Variants in RBM20 observed in about 807,000 individuals in gnomAD.
RBM20 encodes the protein RNA binding motif protein 20.
RBM20 carries 51 observed loss-of-function variants against 110.1 expected under a neutral mutation model. The ratio of observed to expected loss-of-function variants is 0.46; its 90% CI spans 0.37 to 0.59. The LOEUF (loss-of-function observed/expected upper bound fraction) is 0.59, where lower values mean the gene tolerates loss of function less well. Among genes scored for constraint, RBM20 ranks in the 20% least tolerant of loss-of-function variants. The probability of loss-of-function intolerance (pLI) is 0.00; values close to 1 mark genes in which losing one functional copy is unlikely to be tolerated. For missense variants in RBM20, 1,512 were observed against 1,574.9 expected, an observed-to-expected ratio of 0.96 and a Z score of 0.68; for synonymous variants, 589 against 618.2, an observed-to-expected ratio of 0.95 and a Z score of 0.70.
At chr10:110,760,003 T>A (rs1360266876) in intron 1 of RBM20, among the ~76,000 whole-genome samples, 1 of 152,048 alleles carries the variant, frequency 6.6e-6, no homozygotes, top group Non-Finnish European at 1.5e-5. Flanking sequence ...TCAGTGGTGG[T>A]GGGGGGCACA....
intron 1 of RBM20, among the ~76,000 whole-genome samples, chr10:110,759,938 T>C (rs190280420): frequency 6.6e-6 from 1 of 152,346 alleles, no homozygotes; most frequent in East Asian, 1.9e-4. Flanking sequence ...ACCTCCATGG[T>C]TGAGCAGTTA....
intron 1 of RBM20, among the ~76,000 whole-genome samples, chr10:110,773,555 A>T (rs886074007): frequency 6.6e-6 from 1 of 152,226 alleles, no homozygotes; most frequent in African/African-American, 2.4e-5. Context: ...CCATACCCTC[A>T]TTTTATAAAA....
At chr10:110,645,057 C>A (rs2134794081) in intron 1 of RBM20, among the ~76,000 whole-genome samples, 1 of 152,272 alleles carries the variant, frequency 6.6e-6, no homozygotes, top group East Asian at 1.9e-4. Context: ...ATTAAACCAC[C>A]CTTCATGGTG....
At chr10:110,810,573 C>A in intron 8 of RBM20, 111 bp downstream of exon 8, 1 of 675,068 alleles carries the variant, frequency 1.5e-6, no homozygotes, top group South Asian at 2.2e-5. Context: ...CTTGCCCCTA[C>A]CCCATCCATC....
At chr10:110,783,253 G>T in intron 2 of RBM20, 113 bp from the exon 3 acceptor site, 1 of 750,872 alleles carries the variant, frequency 1.3e-6, no homozygotes, top group Non-Finnish European at 2.3e-6. Flanking sequence ...TGCAGGGGTG[G>T]TCCAGCCTCT....
intron 8 of RBM20, among the ~76,000 whole-genome samples, chr10:110,810,824 C>A (rs1007754042): frequency 7.0e-6 from 1 of 142,046 alleles, no homozygotes; most frequent in African/African-American, 2.6e-5. Flanking sequence ...TGCGTGTGTG[C>A]GTGTGTGTGT....
intron 1 of RBM20, among the ~76,000 whole-genome samples, chr10:110,730,585 T>C (rs559547189): frequency 6.6e-6 from 1 of 152,382 alleles, no homozygotes; most frequent in African/African-American, 2.4e-5. Context: ...GAACAAGCTT[T>C]AAGTTGCTAG....
chr10:110,734,161 T>C (rs1190867513), intron 1 of RBM20, among the ~76,000 whole-genome samples: 3 of 152,190 alleles, frequency 2.0e-5, no homozygotes, highest in African/African-American at 7.2e-5. Context: ...CAACATATCT[T>C]CTTGATTAAA....
intron 1 of RBM20, among the ~76,000 whole-genome samples, chr10:110,711,528 T>C (rs1862928830): frequency 6.6e-6 from 1 of 152,024 alleles, no homozygotes; most frequent in African/African-American, 2.4e-5. Flanking sequence ...GAAATCTAAA[T>C]GAGACTGGAT....
At chr10:110,758,011 G>GTTT (rs1590658146) in intron 1 of RBM20, among the ~76,000 whole-genome samples, 6 of 55,290 alleles carry the variant, frequency 1.1e-4, no homozygotes, top group African/African-American at 3.4e-4. Context: ...CAAGATCCTT[G>GTTT]TTCTTTTTTT....
chr10:110,779,006 T>TA (rs1844303385), intron 1 of RBM20, among the ~76,000 whole-genome samples: 1 of 152,220 alleles, frequency 6.6e-6, no homozygotes, highest in African/African-American at 2.4e-5. Flanking sequence ...TTCCTTATAC[T>TA]AGTTAGGTTT....
intron 9 of RBM20, among the ~76,000 whole-genome samples, chr10:110,818,127 A>C (rs1203842302): frequency 0.042 from 3 of 72 alleles, no homozygotes; most frequent in African/African-American, 0.068. Flanking sequence ...TAAAAATACA[A>C]AAAAAAAAAA....
chr10:110,665,284 T>C (rs1414146004), intron 1 of RBM20, among the ~76,000 whole-genome samples: 7 of 152,214 alleles, frequency 4.6e-5, no homozygotes, highest in Admixed American at 2.0e-4. Flanking sequence ...TGTTAATGGC[T>C]ACTAAGCTGT....
Position 110,812,630 on chromosome 10 carries a change from C to A in RBM20, c.2233C>A (p.Leu745Met). 6.4e-7 allele frequency: 1 copy of A among 1,551,680 alleles called. No individual in the cohort carries two copies. The highest frequency in any genetic ancestry group is 8.7e-7 in the Non-Finnish European group (1 of 1,147,002). ...EKYPRSGSPN[L>M]PHSVSSYKSR... ...GTACCCGAGATCTGGGTCTCCCAAC[C>A]TGCCCCACTCTGTGTCCAGCTACAA... Residue 745 changes from leucine to methionine, a missense_variant, in exon 9 of 14, where the codon CTG becomes ATG. Around this residue, in one of 3 missense-constraint regions of RBM20, gnomAD observed 1,149 missense variants for 1,169.4 expected, o/e 0.98. Transcript: ENST00000369519.
rs267607001 is a variant in RBM20, at chr10:110,812,298, G to A, written c.1901G>A (p.Arg634Gln). Reference sequence around the variant, plus strand: ...CACAGATATGGCCCAGAAAGGCCGCGGTCTCGTAGTCCGGTGAGCCGGTCA... The same window carrying A: ...CACAGATATGGCCCAGAAAGGCCGCAGTCTCGTAGTCCGGTGAGCCGGTCA... Reference protein sequence around the residue: ...EADRYGPERPRSRSPVSRSLS... With the variant: ...EADRYGPERPQSRSPVSRSLS... Residue 634 changes from arginine to glutamine, a missense_variant, in exon 9 of 14, where the codon CGG becomes CAG. Arg to Gln is a conservative substitution (Grantham distance 43, BLOSUM62 1). Coordinates refer to ENST00000369519, the MANE Select transcript of RBM20 (RefSeq NM_001134363.3). The A allele has an allele frequency of 2.6e-6, 4 of 1,547,500 alleles. No individual in the cohort carries two copies. Among genetic ancestry groups the A allele is most frequent in the Admixed American group, 2.0e-5 (1 of 50,876 alleles).
At chr10:110,803,372 G>A (rs749627879) in intron 7 of RBM20, among the ~76,000 whole-genome samples, 5 of 152,166 alleles carry the variant, frequency 3.3e-5, no homozygotes, top group Admixed American at 2.0e-4. Flanking sequence ...CAGGTAATTT[G>A]CTTATAGTCA....
intron 1 of RBM20, among the ~76,000 whole-genome samples, chr10:110,700,148 G>A (rs10787270): frequency 0.45 from 68,256 of 151,914 alleles, 16,927 homozygotes; most frequent in Middle Eastern, 0.6. Context: ...TGGGTAAGGG[G>A]GGACTACTGT....
At chr10:110,760,423 A>ATTTTTTTTT (rs1400720868) in intron 1 of RBM20, among the ~76,000 whole-genome samples, 2 of 83,322 alleles carry the variant, frequency 2.4e-5, no homozygotes, top group African/African-American at 8.3e-5. Flanking sequence ...GAATTCCATC[A>ATTTTTTTTT]TCTTTTTTTT....
chr10:110,718,608 C>CT (rs61629487), intron 1 of RBM20, among the ~76,000 whole-genome samples: 29,509 of 101,060 alleles, frequency 0.29, 3,891 homozygotes, highest in East Asian at 0.59. Context: ...CTACTCCATT[C>CT]TTTTTTTTTT....
Sources: gnomAD v4.1 joint callset for allele counts (sites outside exome capture counted in the v4.1 genomes callset) on GRCh38, gnomAD v4.1.1 for gene constraint, gnomAD v4.1.1 regional missense constraint, MANE v1.5 for transcripts, NCBI Gene and HGNC (gene_info 2026-07-23, HGNC 2026-07-21) for gene names.